Variants in ATP7A observed in about 807,000 individuals in gnomAD.
ATP7A encodes the protein ATPase copper transporting alpha, also known as copper-transporting ATPase 1.
A neutral mutation model predicts 83.5 loss-of-function variants in ATP7A; 7 were observed. That is an observed-to-expected ratio of 0.08 (90% CI 0.05 to 0.16). The LOEUF is 0.16. ATP7A is among the 10% of genes least tolerant of loss of function. The probability of loss-of-function intolerance (pLI) is 1.00; values close to 1 mark genes in which losing one functional copy is unlikely to be tolerated. For synonymous variants in ATP7A, 354 were observed against 395.2 expected (o/e 0.90, Z 1.24); for missense variants, 940 against 1,120.8 (o/e 0.84, Z 2.30).
At chrX:77,912,534 GC>G (rs1400235820) in intron 1 of ATP7A, among the ~76,000 whole-genome samples, 2 of 111,183 alleles carry the variant, frequency 1.8e-5, no homozygotes, top group Non-Finnish European at 3.8e-5. Flanking sequence ...ATATCCAACT[GC>G]CCTCCAGCCA....
At chrX:78,008,219 A>G (rs1034227451) in intron 6 of ATP7A, among the ~76,000 whole-genome samples, 11 of 112,064 alleles carry the variant, frequency 9.8e-5, no homozygotes, top group Non-Finnish European at 1.5e-4. Context: ...TTCAGCAGAT[A>G]TTCTTGAATA....
At chrX:77,990,771 A>C (rs782506005) in intron 4 of ATP7A, among the ~76,000 whole-genome samples, 1 of 112,098 alleles carries the variant, frequency 8.9e-6, no homozygotes, top group Non-Finnish European at 1.9e-5. Context: ...AAAATGCCCA[A>C]ATGAAATTTT....
At chrX:77,939,452 A>G (rs1476724947) in intron 1 of ATP7A, among the ~76,000 whole-genome samples, 1 of 110,996 alleles carries the variant, frequency 9.0e-6, no homozygotes, top group African/African-American at 3.3e-5. Context: ...ACTTTTTAAA[A>G]ACTTATTTTT....
chrX:77,998,647 T>C lies in ATP7A; in HGVS notation c.1506T>C (p.Cys502=), dbSNP rs2149087893. 1 of 1,212,114 alleles carries C rather than the reference T, an allele frequency of 8.3e-7. No homozygotes were observed. The highest frequency in any genetic ancestry group is 1.1e-6 in the Non-Finnish European group (1 of 895,588). Residue 502 remains cysteine, a synonymous_variant, in exon 5 of 23, where the codon TGT becomes TGC. Coordinates refer to ENST00000341514, the MANE Select transcript of ATP7A (RefSeq NM_000052.7). ...TCACTGGCATGACTTGCGCTTCCTG[T>C]GTAGCAAACATTGAACGGAATTTAA... is the stretch of plus-strand genomic sequence containing the variant. ...IQVTGMTCAS[C]VANIERNLRR...
At position 78,040,597 on chromosome X, in the gene ATP7A, T is replaced by C. The variant is rs2078041155; in HGVS notation, c.3665T>C (p.Leu1222Pro). The change falls in exon 19 of 23, where the codon CTG becomes CCG. Residue 1222 changes from leucine (L) to proline (P), a missense_variant. Transcript: ENST00000341514. Reference protein sequence around the residue: ...TAVLVAVDDELCGLIAIADTV... With the variant: ...TAVLVAVDDEPCGLIAIADTV... ...TGTGCTGCCCCTATATTAGATGAGC[T>C]GTGTGGCTTGATAGCCATTGCAGAC... The C allele has an allele frequency of 8.3e-7, 1 of 1,209,400 alleles. No homozygotes were observed. Among genetic ancestry groups the C allele is most frequent in the Admixed American group, 2.2e-5 (1 of 45,740 alleles).
In ATP7A at chrX:78,009,183, G is replaced by A. The variant is rs781959472; in HGVS notation, c.1789G>A (p.Val597Met). 1.4e-5 allele frequency: 17 copies of A among 1,207,255 alleles called. No homozygotes were observed. Among genetic ancestry groups the A allele is most frequent in the African/African-American group, 7.0e-5 (4 of 56,865 alleles). The change falls in exon 7 of 23, where the codon GTG (valine) becomes ATG (methionine). Residue 597 changes from valine (V) to methionine (M), a missense_variant. Val to Met is a conservative substitution (Grantham distance 21). Coordinates refer to ENST00000341514, the MANE Select transcript of ATP7A (RefSeq NM_000052.7). The part of the protein sequence containing the change: ...TKHRGILYCS[V>M]ALATNKAHIK... ...ACACAGAGGGATCCTATACTGCTCC[G>A]TGGCCCTGGCAACCAACAAAGCACA...
intron 1 of ATP7A, among the ~76,000 whole-genome samples, chrX:77,955,447 A>G (rs1240311739): frequency 8.9e-6 from 1 of 111,909 alleles, no homozygotes; most frequent in East Asian, 2.8e-4. Flanking sequence ...TTCTTAGAAC[A>G]TGCATTTATT....
chrX:78,031,260 G>GTT (rs2077982216), intron 15 of ATP7A, 140 bp from the exon 16 acceptor site: 7 of 570,721 alleles, frequency 1.2e-5, no homozygotes, highest in Middle Eastern at 5.3e-4. Context: ...AAGACCATCA[G>GTT]TTTTTTAAGT....
chrX:78,031,644 A>C (rs1415260107), intron 16 of ATP7A, 62 bp downstream of exon 16: 11 of 1,107,048 alleles, frequency 9.9e-6, no homozygotes, highest in African/African-American at 1.8e-5. Context: ...CCCGGATCAA[A>C]TCTAGTCTGG....
intron 1 of ATP7A, among the ~76,000 whole-genome samples, chrX:77,950,890 C>T (rs1424411890): frequency 2.7e-5 from 3 of 109,745 alleles, no homozygotes; most frequent in Non-Finnish European, 3.8e-5. Context: ...GGTGTGGAGG[C>T]GCATACATAT....
intron 6 of ATP7A, among the ~76,000 whole-genome samples, chrX:78,005,343 C>A (rs62614930): frequency 0.051 from 5,654 of 110,429 alleles, 154 homozygotes; most frequent in Non-Finnish European, 0.077. Flanking sequence ...TTCCATGTAG[C>A]CTTCATCTAG....
chrX:78,005,714 A>AAAAAAAAAAAAAAC (rs2077770826), intron 6 of ATP7A, among the ~76,000 whole-genome samples: 1 of 108,070 alleles, frequency 9.3e-6, no homozygotes. Context: ...AAAGAAAAAA[A>AAAAAAAAAAAAAAC]AAGAAGAAAA....
chrX:77,914,714 T>C (rs955529801), intron 1 of ATP7A, among the ~76,000 whole-genome samples: 8 of 111,056 alleles, frequency 7.2e-5, no homozygotes, highest in African/African-American at 2.3e-4. Flanking sequence ...TTAAAACACC[T>C]AGTGTTAAAA....
Position 77,940,484 on chromosome X carries a change from A to C in ATP7A, c.-22+29649A>C, listed in dbSNP as rs781923000. Among the ~76,000 whole-genome samples, 4 of 111,626 alleles carry C rather than the reference A, an allele frequency of 3.6e-5. No individual in the cohort carries two copies. In the South Asian group the frequency reaches 1.1e-3, roughly 31 times the overall value. The stretch of plus-strand genomic sequence containing the variant: ...TTTCTTATGTTATATACTTAAACTA[A>C]AATAAATTCTAGATGAGTTAAGGAT... On this transcript the variant is annotated intron_variant, in intron 1 of 22. Coordinates refer to ENST00000341514, the MANE Select transcript of ATP7A (RefSeq NM_000052.7).
At chrX:77,947,769 C>T (rs1359971493) in intron 1 of ATP7A, among the ~76,000 whole-genome samples, 9 of 59,558 alleles carry the variant, frequency 1.5e-4, no homozygotes, top group Admixed American at 9.5e-4. Flanking sequence ...GACAGAGTTT[C>T]GCTCTTGTTG....
chrX:78,037,979 G>GGTTTTTTTTTT (rs2078023776), intron 17 of ATP7A, among the ~76,000 whole-genome samples: 1 of 56,852 alleles, frequency 1.8e-5, no homozygotes, highest in Non-Finnish European at 3.0e-5. Flanking sequence ...GATCAAGAAA[G>GGTTTTTTTTTT]GTTTTTTTTT....
chrX:77,944,201 C>G (rs782319460), intron 1 of ATP7A, among the ~76,000 whole-genome samples: 1 of 112,341 alleles, frequency 8.9e-6, no homozygotes, highest in South Asian at 3.6e-4. Flanking sequence ...AGTTGAACAT[C>G]TTGTAACAAC....
rs782347104 is a variant in ATP7A, at chrX:78,001,455, A to G, written c.1544-1618A>G. 3.6e-5 allele frequency among the ~76,000 whole-genome samples: 4 copies of G among 111,033 alleles called. No individual in the cohort carries two copies. In the East Asian group the frequency reaches 8.4e-4, roughly 23 times the overall value. On this transcript the variant is annotated intron_variant, in intron 5 of 22. Coordinates refer to ENST00000341514, the MANE Select transcript of ATP7A (RefSeq NM_000052.7). ...CTTCAAGCATTTATCCTTGTGTTAT[A>G]AACAATTCAATTATATTCTGTTACT... is the stretch of plus-strand genomic sequence containing the variant.
rs2078099441 is a variant in ATP7A at position 78,049,272 on chromosome X, A to G, written c.*2702A>G. 1 of 112,191 alleles carries G rather than the reference A, an allele frequency of 8.9e-6. No homozygotes were observed. Among genetic ancestry groups the G allele is most frequent in the South Asian group, 3.7e-4 (1 of 2,726 alleles). 9.2% of individuals were successfully genotyped at this position (112,191 alleles called of 1,213,427 possible). A position where few individuals can be genotyped will look rare whatever the true frequency, so the allele number is the denominator to read the frequency against. ...TCTGTGTATTCACATACATATATAT[A>G]TACACACATATATATGTACATACAC... On this transcript the variant is annotated 3_prime_UTR_variant, in exon 23 of 23. Transcript: ENST00000341514.
Sources: gnomAD v4.1 joint callset for allele counts (sites outside exome capture counted in the v4.1 genomes callset) on GRCh38, gnomAD v4.1.1 for gene constraint, MANE v1.5 for transcripts, NCBI Gene and HGNC (gene_info 2026-07-23, HGNC 2026-07-21) for gene names.